ZNF691: variants seen among roughly 807,000 people sequenced by gnomAD.
ZNF691 encodes the protein zinc finger protein 691.
ZNF691 carries 11 observed loss-of-function variants against 24.1 expected under a neutral mutation model. That is an observed-to-expected ratio of 0.46 (90% CI 0.29 to 0.75). ZNF691 has a LOEUF of 0.75. ZNF691 is among the 30% of genes least tolerant of loss of function. The pLI is 0.11. For missense variants in ZNF691, 356 were observed against 409.0 expected (o/e 0.87, Z 1.12); for synonymous variants, 149 against 153.9 (o/e 0.97, Z 0.23).
At chr1:42,848,016 C>T (rs1029210814) in intron 1 of ZNF691, among the ~76,000 whole-genome samples, 3 of 152,172 alleles carry the variant, frequency 2.0e-5, no homozygotes, top group Non-Finnish European at 4.4e-5. Flanking sequence ...TGCCCCTGTC[C>T]CCTGAACTTA....
At chr1:42,847,766 A>G (rs1655279168) in intron 1 of ZNF691, among the ~76,000 whole-genome samples, 1 of 152,264 alleles carries the variant, frequency 6.6e-6, no homozygotes, top group African/African-American at 2.4e-5. Flanking sequence ...AGTGATGGGC[A>G]TAGGCCCCAG....
At chr1:42,850,786 G>A (rs1655364313) in intron 3 of ZNF691, 164 bp from the exon 4 acceptor site, 9 of 1,549,312 alleles carry the variant, frequency 5.8e-6, no homozygotes, top group South Asian at 2.4e-5. Flanking sequence ...CACTTAAAAG[G>A]TAGCAAGTAA....
At position 42,851,951 on chromosome 1, in the gene ZNF691, A is replaced by C; in HGVS notation, c.*138A>C. On this transcript the variant is annotated 3_prime_UTR_variant, in exon 4 of 4. Coordinates refer to ENST00000651192, the MANE Select transcript of ZNF691 (RefSeq NM_001242739.2). This position sits in a 1 kb window ranked among gnomAD's most constrained non-coding sequence, Gnocchi z 4.7. ...GGAGAATGGTTTTGTATAGCCTCTG[A>C]AGTCAGGATCTCAGGAAGTCCTGAG... 1 of 1,342,242 alleles carries C rather than the reference A, an allele frequency of 7.5e-7. No homozygotes were observed. The allele number at this position is 1,342,242 out of a possible 1,614,324, so 83.1% of individuals were successfully genotyped here.
Position 42,849,681 on chromosome 1 carries a change from A to T in ZNF691, c.23A>T (p.His8Leu), listed in dbSNP as rs1655327176. ...TTCATGTCACTCTGTTCACCAACCCACTCTGCTGAAATGTCGTTATTTCTT... is the reference window on the plus strand; with the variant it reads ...TTCATGTCACTCTGTTCACCAACCCTCTCTGCTGAAATGTCGTTATTTCTT... Reference protein sequence around the residue: MSLCSPTHSAEMSLFLQG... With the variant: MSLCSPTLSAEMSLFLQG... The change falls in exon 3 of 4, where the codon CAC (histidine) becomes CTC (leucine). Residue 8 changes from histidine (H) to leucine (L), a missense_variant. Physicochemically the swap from His to Leu is moderately conservative, Grantham distance 99. Transcript: ENST00000651192. 1 of 1,550,786 alleles carries T rather than the reference A, an allele frequency of 6.4e-7. No individual in the cohort carries two copies. Among genetic ancestry groups the T allele is most frequent in the Admixed American group, 2.0e-5 (1 of 50,960 alleles).
chr1:42,850,769 A>G (rs970894679), intron 3 of ZNF691, 181 bp from the exon 4 acceptor site: 27 of 1,550,188 alleles, frequency 1.7e-5, no homozygotes, highest in Non-Finnish European at 2.1e-5. Flanking sequence ...TATCTCTGAA[A>G]GTTTGTCACT....
In ZNF691 at chr1:42,849,649, C is replaced by T. The variant is rs1251569263; in HGVS notation, c.-10C>T. 1 of 1,547,996 alleles carries T rather than the reference C, an allele frequency of 6.5e-7. No individual in the cohort carries two copies. The highest frequency in any genetic ancestry group is 2.0e-5 in the Admixed American group (1 of 50,972). ...GATAGTTTGTGCTTCCCTCCCTCAT[C>T]CCTTTGTTCATGTCACTCTGTTCAC... is the stretch of plus-strand genomic sequence containing the variant. On this transcript the variant is annotated 5_prime_UTR_variant, in exon 3 of 4. Transcript: ENST00000651192.
At chr1:42,850,750 A>G in intron 3 of ZNF691, 200 bp from the exon 4 acceptor site, 1 of 1,550,574 alleles carries the variant, frequency 6.4e-7, no homozygotes, top group Non-Finnish European at 8.7e-7. Flanking sequence ...TCTGGTGGGT[A>G]GCTTTAAATA....
rs1336582860 is a variant in ZNF691 at position 42,851,856 on chromosome 1, C to T, written c.*43C>T. On this transcript the variant is annotated 3_prime_UTR_variant, in exon 4 of 4. Transcript: ENST00000651192. The surrounding 1 kb of genome is among the most constrained non-coding windows in gnomAD (Gnocchi z 4.7). ...AGTGAGGGAGAGAGAGTGAGAGACCCTAACCTATTGGAGGAAGATCTTCAG... is the reference window on the plus strand; with the variant it reads ...AGTGAGGGAGAGAGAGTGAGAGACCTTAACCTATTGGAGGAAGATCTTCAG... The T allele has an allele frequency of 6.2e-7, 1 of 1,612,168 alleles. No individual in the cohort carries two copies. The highest frequency in any genetic ancestry group is 1.1e-5 in the South Asian group (1 of 90,728).
intron 3 of ZNF691, 84 bp from the exon 4 acceptor site, chr1:42,850,866 T>A: frequency 6.4e-7 from 1 of 1,569,006 alleles, no homozygotes. Flanking sequence ...GGAAGGTGTA[T>A]ACCCTTCAAA....
Position 42,849,379 on chromosome 1 carries a change from G to A in ZNF691, c.-129G>A, listed in dbSNP as rs551481098. 1.9e-5 allele frequency: 11 copies of A among 574,776 alleles called. 1 individual carries two copies. The highest frequency in any genetic ancestry group is 1.5e-4 in the South Asian group (10 of 65,640). 35.6% of individuals were successfully genotyped at this position (574,776 alleles called of 1,614,324 possible). ...GTCACACACTCTGCTGAGTATTACA[G>A]GCATTTTTTTCTAATACAAAGTCTT... is the stretch of plus-strand genomic sequence containing the variant. On this transcript the variant is annotated 5_prime_UTR_variant, in exon 2 of 4. Coordinates refer to ENST00000651192, the MANE Select transcript of ZNF691 (RefSeq NM_001242739.2).
chr1:42,847,928 TA>T (rs1457852726), intron 1 of ZNF691, among the ~76,000 whole-genome samples: 1 of 152,204 alleles, frequency 6.6e-6, no homozygotes, highest in East Asian at 1.9e-4. Context: ...ATTCGAGCTT[TA>T]AAAAAATGTT....
Position 42,851,853 on chromosome 1 carries a change from AC to A in ZNF691, c.*43del. 4 of 1,612,694 alleles carry A rather than the reference AC, an allele frequency of 2.5e-6. No homozygotes were observed. Among genetic ancestry groups the A allele is most frequent in the Non-Finnish European group, 3.4e-6 (4 of 1,179,338 alleles). On this transcript the variant is annotated 3_prime_UTR_variant, in exon 4 of 4. Transcript: ENST00000651192. This position sits in a 1 kb window ranked among gnomAD's most constrained non-coding sequence, Gnocchi z 4.7. Reference sequence around the variant, plus strand: ...TAGAGTGAGGGAGAGAGAGTGAGAGACCCTAACCTATTGGAGGAAGATCTTC... The same window carrying A: ...TAGAGTGAGGGAGAGAGAGTGAGAGACCTAACCTATTGGAGGAAGATCTTC...
intron 1 of ZNF691, among the ~76,000 whole-genome samples, chr1:42,847,466 C>T (rs1557619887): frequency 6.6e-6 from 1 of 152,216 alleles, no homozygotes; most frequent in African/African-American, 2.4e-5. Flanking sequence ...CAATAGACCC[C>T]TTTTCCCCCC....
intron 1 of ZNF691, among the ~76,000 whole-genome samples, chr1:42,848,838 G>A (rs1392333908): frequency 2.6e-5 from 4 of 152,162 alleles, no homozygotes; most frequent in African/African-American, 4.8e-5. Flanking sequence ...GGATGGTCAG[G>A]AAACAGTGTC....
chr1:42,851,563 G>T lies in ZNF691; in HGVS notation c.698G>T (p.Gly233Val). 6.2e-7 allele frequency: 1 copy of T among 1,614,236 alleles called. No homozygotes were observed. The highest frequency in any genetic ancestry group is 8.5e-7 in the Non-Finnish European group (1 of 1,180,042). ...GCACCCTACATCTGCTGTGAGTGTGGGAAGAGCTTCAGCAACAGCTCCAGC... is the reference window on the plus strand; with the variant it reads ...GCACCCTACATCTGCTGTGAGTGTGTGAAGAGCTTCAGCAACAGCTCCAGC... ...EPAPYICCEC[G>V]KSFSNSSSFG... The change falls in exon 4 of 4, where the codon GGG becomes GTG. Residue 233 changes from glycine (G) to valine (V), a missense_variant. By Grantham distance (109) the Gly-to-Val change is moderately radical (BLOSUM62 -3). Coordinates refer to ENST00000651192, the MANE Select transcript of ZNF691 (RefSeq NM_001242739.2). The surrounding 1 kb of genome is among the most constrained non-coding windows in gnomAD (Gnocchi z 4.7).
At chr1:42,848,537 A>G (rs908732390) in intron 1 of ZNF691, among the ~76,000 whole-genome samples, 55 of 152,202 alleles carry the variant, frequency 3.6e-4, no homozygotes, top group African/African-American at 1.2e-3. Context: ...AAAGTGGGTG[A>G]GACAGTTCAT....
chr1:42,849,866 T>A (rs1655333583), intron 3 of ZNF691, 124 bp downstream of exon 3: 3 of 813,202 alleles, frequency 3.7e-6, no homozygotes, highest in Non-Finnish European at 6.2e-6. Flanking sequence ...CTTATGTGTT[T>A]AGTTTTGGGG....
In ZNF691 at chr1:42,851,046, G is replaced by T. The variant is rs1270579743; in HGVS notation, c.181G>T (p.Gly61Cys). The change falls in exon 4 of 4, where the codon GGT becomes TGT. Residue 61 changes from glycine (G) to cysteine (C), a missense_variant. Coordinates refer to ENST00000651192, the MANE Select transcript of ZNF691 (RefSeq NM_001242739.2). The surrounding 1 kb of genome is among the most constrained non-coding windows in gnomAD (Gnocchi z 4.7). ...GCCTTGGAGAGTGGATGACTCAGAG[G>T]GTTCTTGGATCCCACCTGGGGAGAA... ...GKPWRVDDSEGSWIPPGEKEH... is the reference protein window; with the variant it reads ...GKPWRVDDSECSWIPPGEKEH... 5 of 1,588,104 alleles carry T rather than the reference G, an allele frequency of 3.1e-6. No homozygotes were observed. The highest frequency in any genetic ancestry group is 4.3e-6 in the Non-Finnish European group (5 of 1,167,956).
chr1:42,851,809 G>T lies in ZNF691; in HGVS notation c.944G>T (p.Ser315Ile). The T allele has an allele frequency of 6.2e-7, 1 of 1,614,060 alleles. No individual in the cohort carries two copies. Among genetic ancestry groups the T allele is most frequent in the South Asian group, 1.1e-5 (1 of 91,086 alleles). The stretch of plus-strand genomic sequence containing the variant: ...GGCGAACAGGCTGGGAAAGATTCCA[G>T]CTGAAGGAGAGCCCCATTTAGAGTG... ...HLGEQAGKDS[S>I] The change falls in exon 4 of 4, where the codon AGC becomes ATC. Residue 315 changes from serine to isoleucine, a missense_variant. Physicochemically the swap from Ser to Ile is moderately radical, Grantham distance 142. Coordinates refer to ENST00000651192, the MANE Select transcript of ZNF691 (RefSeq NM_001242739.2). This position sits in a 1 kb window ranked among gnomAD's most constrained non-coding sequence, Gnocchi z 4.7.
Sources: allele counts gnomAD v4.1 joint callset (sites outside exome capture counted in the v4.1 genomes callset), GRCh38; gene constraint gnomAD v4.1.1; non-coding constraint Gnocchi (gnomAD v3.1); transcripts MANE v1.5; gene names NCBI Gene and HGNC (gene_info 2026-07-23, HGNC 2026-07-21).